MFSD2A: variants seen among roughly 807,000 people sequenced by gnomAD.
MFSD2A encodes MFSD2 lysolipid transporter A, lysophospholipid.
MFSD2A carries 27 observed loss-of-function variants against 64.7 expected under a neutral mutation model. That is an observed-to-expected ratio of 0.42 (90% confidence interval 0.31 to 0.58). MFSD2A has a LOEUF of 0.58. Ranked by LOEUF, MFSD2A falls within the 20% of genes least tolerant of loss-of-function variation. The pLI is 0.18. For missense variants in MFSD2A, 474 were observed against 679.5 expected, an observed-to-expected ratio of 0.70 and a Z score of 3.36; for synonymous variants, 258 against 273.4, an observed-to-expected ratio of 0.94 and a Z score of 0.55.
chr1:39,960,929 G>A lies in MFSD2A; in HGVS notation c.353+2104G>A, dbSNP rs1368096847. 6.6e-6 allele frequency among the ~76,000 whole-genome samples: 1 copy of A among 152,284 alleles called. No individual in the cohort carries two copies. Among genetic ancestry groups the A allele is most frequent in the African/African-American group, 2.4e-5 (1 of 41,554 alleles). On this transcript the variant is annotated intron_variant, in intron 3 of 13. Transcript: ENST00000372811. This position sits in a 1 kb window ranked among gnomAD's most constrained non-coding sequence, Gnocchi z 4.8. ...GTGGTGCCTGTGTATGCCTGCACGCGGGATGGCTCGTGGGCTGAAGGCTGG... is the reference window on the plus strand; with the variant it reads ...GTGGTGCCTGTGTATGCCTGCACGCAGGATGGCTCGTGGGCTGAAGGCTGG...
chr1:39,957,031 C>G (rs779040822), intron 1 of MFSD2A, 56 bp from the exon 2 acceptor site: 4 of 1,589,942 alleles, frequency 2.5e-6, no homozygotes, highest in East Asian at 2.3e-5. Context: ...TCCTGTGGAA[C>G]CTTCTTGGAT....
intron 3 of MFSD2A, chr1:39,962,923 C>G: frequency 6.4e-7 from 1 of 1,572,896 alleles, no homozygotes; most frequent in Non-Finnish European, 8.6e-7. Context: ...AGGTTCAAGG[C>G]GTTTGTTGCT....
intron 2 of MFSD2A, 94 bp downstream of exon 2, chr1:39,957,315 T>G: frequency 1.5e-6 from 2 of 1,307,142 alleles, no homozygotes; most frequent in Non-Finnish European, 2.1e-6. Flanking sequence ...TCCCCATCTG[T>G]GAAATGGGAC....
In MFSD2A at chr1:39,967,610, C is replaced by T. The variant is rs774025730; in HGVS notation, c.1012-18C>T. On this transcript the variant is annotated intron_variant, in intron 9 of 13. Transcript: ENST00000372811. ...GGCTCTAAAGCACCTCCCTTTAACC[C>T]CCTTTGTCCATCCACAGCTCTCGGC... is the stretch of plus-strand genomic sequence containing the variant. 2.5e-6 allele frequency: 4 copies of T among 1,612,874 alleles called. No homozygotes were observed. The South Asian group carries it at 4.4e-5, about 18-fold the overall frequency.
In MFSD2A at chr1:39,969,489, CCTCT is replaced by C. The variant is rs1453898560; in HGVS notation, c.1530-9_1530-6del. ...GATGGATGCTTCCTCCAACCCATCT[CCTCT>C]CTCTCTTGCAGGGACGAGGCCAGCA... On this transcript the variant is annotated splice_polypyrimidine_tract_variant and intron_variant, in intron 13 of 13. Coordinates refer to ENST00000372811, the MANE Select transcript of MFSD2A (RefSeq NM_032793.5). 1 of 1,594,850 alleles carries C rather than the reference CCTCT, an allele frequency of 6.3e-7. No individual in the cohort carries two copies. The highest frequency in any genetic ancestry group is 8.5e-7 in the Non-Finnish European group (1 of 1,171,176).
In MFSD2A at chr1:39,960,271, T is replaced by C. The variant is rs1645008016; in HGVS notation, c.353+1446T>C. 6.6e-6 allele frequency among the ~76,000 whole-genome samples: 1 copy of C among 152,208 alleles called. No homozygotes were observed. Among genetic ancestry groups the C allele is most frequent in the Admixed American group, 6.5e-5 (1 of 15,294 alleles). On this transcript the variant is annotated intron_variant, in intron 3 of 13. Transcript: ENST00000372811. This position sits in a 1 kb window ranked among gnomAD's most constrained non-coding sequence, Gnocchi z 4.8. ...CCTTTCATCTCCAGCCCATCCAGGC[T>C]TAAGTGGGCGCCTTCCTGCCCCAGG...
In MFSD2A at chr1:39,955,206, C is replaced by G. The variant is rs186913289; in HGVS notation, c.-87C>G. On this transcript the variant is annotated 5_prime_UTR_variant, in exon 1 of 14. Transcript: ENST00000372811. The surrounding 1 kb of genome is among the most constrained non-coding windows in gnomAD (Gnocchi z 5.9). ...CGCGCGGCGGCCGTGGCTAAGGCTGCTACGAAGCGAGCTTGGGAGGAGCAG... is the reference window on the plus strand; with the variant it reads ...CGCGCGGCGGCCGTGGCTAAGGCTGGTACGAAGCGAGCTTGGGAGGAGCAG... 373 of 1,174,500 alleles carry G rather than the reference C, an allele frequency of 3.2e-4. 2 individuals carry two copies. The African/African-American group carries it at 4.0e-3, about 13-fold the overall frequency. The allele number at this position is 1,174,500 out of a possible 1,614,324, so 72.8% of individuals were successfully genotyped here.
rs1645148029 is a variant in MFSD2A at position 39,965,802 on chromosome 1, C to T, written c.557-55C>T. On this transcript the variant is annotated intron_variant, in intron 5 of 13. Coordinates refer to ENST00000372811, the MANE Select transcript of MFSD2A (RefSeq NM_032793.5). The surrounding 1 kb of genome is among the most constrained non-coding windows in gnomAD (Gnocchi z 5.5). The stretch of plus-strand genomic sequence containing the variant: ...GGGCTCCCACCCATTTGACCTTCCT[C>T]CCTGGGCCCACAATCCATGAGGCCC... 6.2e-7 allele frequency: 1 copy of T among 1,604,486 alleles called. No individual in the cohort carries two copies. Among genetic ancestry groups the T allele is most frequent in the Admixed American group, 1.7e-5 (1 of 59,692 alleles).
intron 11 of MFSD2A, 48 bp downstream of exon 11, chr1:39,967,964 C>G (rs547603766): frequency 8.0e-7 from 1 of 1,250,578 alleles, no homozygotes; most frequent in Non-Finnish European, 1.1e-6. Context: ...GCCCCTAGTC[C>G]CCAGTTTTGA....
At chr1:39,959,489 G>A (rs1196510613) in intron 3 of MFSD2A, among the ~76,000 whole-genome samples, 2 of 152,078 alleles carry the variant, frequency 1.3e-5, no homozygotes, top group African/African-American at 2.4e-5. Flanking sequence ...CTGGGCTCAA[G>A]GTGTCCTCCC....
rs969514548 is a variant in MFSD2A, at chr1:39,960,233, G to A, written c.353+1408G>A. On this transcript the variant is annotated intron_variant, in intron 3 of 13. Coordinates refer to ENST00000372811, the MANE Select transcript of MFSD2A (RefSeq NM_032793.5). This position sits in a 1 kb window ranked among gnomAD's most constrained non-coding sequence, Gnocchi z 4.8. ...TCCAGGACATCCTGCTTCAGGGTGT[G>A]GGGGGGCATACCCCTTTCATCTCCA... Among the ~76,000 whole-genome samples the A allele has an allele frequency of 1.3e-5, 2 of 152,156 alleles. No homozygotes were observed. Among genetic ancestry groups the A allele is most frequent in the African/African-American group, 2.4e-5 (1 of 41,446 alleles).
chr1:39,956,855 G>T lies in MFSD2A; in HGVS notation c.94-232G>T, dbSNP rs367578716. 2.1e-4 allele frequency among the ~76,000 whole-genome samples: 29 copies of T among 137,644 alleles called. No homozygotes were observed. In the East Asian group the frequency reaches 5.0e-3, roughly 24 times the overall value. The allele number at this position is 137,644 out of a possible 152,430, so 90.3% of individuals were successfully genotyped here. A position where few individuals can be genotyped will look rare whatever the true frequency, so the allele number is the denominator to read the frequency against. On this transcript the variant is annotated intron_variant, in intron 1 of 13. Transcript: ENST00000372811. ...GGCGTGAACCCAGGAGGCGGAGCTTGCAGTGAGCCGAGATGGCACCACTGC... is the reference window on the plus strand; with the variant it reads ...GGCGTGAACCCAGGAGGCGGAGCTTTCAGTGAGCCGAGATGGCACCACTGC...
Position 39,957,213 on chromosome 1 carries a change from G to A in MFSD2A, c.220G>A (p.Val74Met). 6.3e-7 allele frequency: 1 copy of A among 1,592,136 alleles called. No homozygotes were observed. Among genetic ancestry groups the A allele is most frequent in the South Asian group, 1.1e-5 (1 of 88,474 alleles). ...GFFLQIYLLD[V>M]AQVGPFSASI... ...CTTCCTTCAGATCTACCTATTGGAT[G>A]TGGCTCAGGTGAGTGGTCTAAGCCT... The change falls in exon 2 of 14, where the codon GTG becomes ATG. Residue 74 changes from valine (V) to methionine (M), a missense_variant. Physicochemically the swap from Val to Met is conservative, Grantham distance 21. Transcript: ENST00000372811.
chr1:39,967,154 A>T lies in MFSD2A; in HGVS notation c.996A>T (p.Leu332=). 1 of 1,612,772 alleles carries T rather than the reference A, an allele frequency of 6.2e-7. No homozygotes were observed. Among genetic ancestry groups the T allele is most frequent in the Non-Finnish European group, 8.5e-7 (1 of 1,179,662 alleles). The change falls in exon 9 of 14, where the codon CTA becomes CTT. Residue 332 remains leucine, a synonymous_variant. Coordinates refer to ENST00000372811, the MANE Select transcript of MFSD2A (RefSeq NM_032793.5). ...TLGFRNEFQN[L]LLAIMLSATL... is the part of the protein sequence containing the mutation. The stretch of plus-strand genomic sequence containing the variant: ...GCTTCCGCAATGAATTCCAGAATCT[A>T]CTCCTGGCCATCATGGTGAGTGGGA...
chr1:39,960,420 T>C lies in MFSD2A; in HGVS notation c.353+1595T>C, dbSNP rs1020467469. On this transcript the variant is annotated intron_variant, in intron 3 of 13. Coordinates refer to ENST00000372811, the MANE Select transcript of MFSD2A (RefSeq NM_032793.5). The surrounding 1 kb of genome is among the most constrained non-coding windows in gnomAD (Gnocchi z 4.8). ...TGCCAGCCCCTGGCTAAGGCCCAGGTTGGAGCCTTTGATCCAGTCTTCAGG... is the reference window on the plus strand; with the variant it reads ...TGCCAGCCCCTGGCTAAGGCCCAGGCTGGAGCCTTTGATCCAGTCTTCAGG... Among the ~76,000 whole-genome samples, 2 of 141,864 alleles carry C rather than the reference T, an allele frequency of 1.4e-5. No individual in the cohort carries two copies. Among genetic ancestry groups the C allele is most frequent in the Non-Finnish European group, 3.1e-5 (2 of 64,552 alleles). 93.1% of individuals were successfully genotyped at this position (141,864 alleles called of 152,430 possible). A position where few individuals can be genotyped will look rare whatever the true frequency, so the allele number is the denominator to read the frequency against.
chr1:39,968,464 A>G lies in MFSD2A; in HGVS notation c.1339A>G (p.Thr447Ala). ...FASGVSLGIS[T>A]LSLDFAGYQT... ...CTCTGGAGTGTCACTGGGCATTTCT[A>G]CCCTCAGTCTGGAGTGAGTGGGGTG... is the stretch of plus-strand genomic sequence containing the variant. Residue 447 changes from threonine (T) to alanine (A), a missense_variant, in exon 12 of 14, where the codon ACC becomes GCC. Coordinates refer to ENST00000372811, the MANE Select transcript of MFSD2A (RefSeq NM_032793.5). The surrounding 1 kb of genome is among the most constrained non-coding windows in gnomAD (Gnocchi z 4.4). The G allele has an allele frequency of 6.2e-7, 1 of 1,613,882 alleles. No homozygotes were observed. Among genetic ancestry groups the G allele is most frequent in the Non-Finnish European group, 8.5e-7 (1 of 1,179,972 alleles).
At position 39,955,410 on chromosome 1, in the gene MFSD2A, AGGGCGAGGGGAGG is replaced by A; in HGVS notation, c.93+27_93+39del. On this transcript the variant is annotated intron_variant, in intron 1 of 13. Transcript: ENST00000372811. The surrounding 1 kb of genome is among the most constrained non-coding windows in gnomAD (Gnocchi z 5.9). ...GGTGAGGGCCCGGCACCCCGCGTGG[AGGGCGAGGGGAGG>A]GAGGAGGCGGAAATGGGGGATCAGG... The A allele has an allele frequency of 6.7e-7, 1 of 1,503,498 alleles. No homozygotes were observed. The highest frequency in any genetic ancestry group is 2.3e-5 in the Admixed American group (1 of 44,034). 93.1% of individuals were successfully genotyped at this position (1,503,498 alleles called of 1,614,324 possible).
intron 2 of MFSD2A, among the ~76,000 whole-genome samples, chr1:39,957,428 G>A (rs1353996557): frequency 6.6e-6 from 1 of 152,234 alleles, no homozygotes; most frequent in Non-Finnish European, 1.5e-5. Flanking sequence ...GTCTTTGCTG[G>A]AAAGGTCTGG....
At chr1:39,956,933 A>G in intron 1 of MFSD2A, among the ~76,000 whole-genome samples, 154 bp from the exon 2 acceptor site, 1 of 150,764 alleles carries the variant, frequency 6.6e-6, no homozygotes, top group South Asian at 2.1e-4. Flanking sequence ...AAAAAAAAAA[A>G]AAAAAAAAAA....
Sources: gnomAD v4.1 joint callset for allele counts (sites outside exome capture counted in the v4.1 genomes callset) on GRCh38, gnomAD v4.1.1 for gene constraint, Gnocchi (gnomAD v3.1) non-coding constraint, MANE v1.5 for transcripts, NCBI Gene and HGNC (gene_info 2026-07-23, HGNC 2026-07-21) for gene names.